The following SEL1L3 variants were observed in gnomAD, a reference collection of about 807,000 sequenced individuals.
SEL1L3 encodes protein sel-1 homolog 3.
A neutral mutation model predicts 142.8 loss-of-function variants in SEL1L3; 76 were observed. The ratio of observed to expected loss-of-function variants is 0.53; its 90% CI spans 0.44 to 0.64. The LOEUF is 0.64. Among genes scored for constraint, SEL1L3 ranks in the 30% least tolerant of loss-of-function variants. SEL1L3 has a pLI of 0.00. For missense variants in SEL1L3, 1,262 were observed against 1,381.7 expected (o/e 0.91, Z 1.37); for synonymous variants, 504 against 519.6 (o/e 0.97, Z 0.41).
Position 25,808,990 on chromosome 4 carries a change from G to A in SEL1L3, c.1565-4238C>T, listed in dbSNP as rs1171083115. 2.6e-4 allele frequency among the ~76,000 whole-genome samples: 38 copies of A among 147,880 alleles called. No individual in the cohort carries two copies. In the East Asian group the frequency reaches 7.0e-3, roughly 27 times the overall value. ...TGGGAGGGTGAGGCAGGAGAATGGC[G>A]TGAACCCGGGAGGCAGAGCTTGCAG... On this transcript the variant is annotated intron_variant, in intron 9 of 23. Coordinates refer to ENST00000399878, the MANE Select transcript of SEL1L3 (RefSeq NM_015187.5).
chr4:25,768,125 T>C (rs891389936), intron 17 of SEL1L3, among the ~76,000 whole-genome samples: 1 of 152,180 alleles, frequency 6.6e-6, no homozygotes, highest in African/African-American at 2.4e-5. Context: ...TAGCCTTCAG[T>C]TCTTGAATCC....
At chr4:25,856,593 T>TA (rs397765802) in intron 1 of SEL1L3, among the ~76,000 whole-genome samples, 15,976 of 116,896 alleles carry the variant, frequency 0.14, 995 homozygotes, top group Middle Eastern at 0.19. Flanking sequence ...GTATTGTAAT[T>TA]AAAAAAAAAA....
At chr4:25,756,049 A>T in intron 23 of SEL1L3, 1 of 985,426 alleles carries the variant, frequency 1.0e-6, no homozygotes, top group East Asian at 1.1e-4. Context: ...ATGATTTCGC[A>T]TTAGCTTCTT....
At chr4:25,751,146 T>G (rs1055927869) in intron 23 of SEL1L3, among the ~76,000 whole-genome samples, 1 of 152,160 alleles carries the variant, frequency 6.6e-6, no homozygotes, top group East Asian at 1.9e-4. Flanking sequence ...CAGGCAGAAG[T>G]GGAGATGGCT....
intron 9 of SEL1L3, among the ~76,000 whole-genome samples, chr4:25,812,885 C>T (rs1322594636): frequency 2.0e-5 from 3 of 151,932 alleles, no homozygotes; most frequent in Non-Finnish European, 4.4e-5. Flanking sequence ...TGGTGGCGTG[C>T]GCCTGTAATC....
chr4:25,846,516 A>T (rs1479884068), intron 2 of SEL1L3, among the ~76,000 whole-genome samples: 1 of 152,184 alleles, frequency 6.6e-6, no homozygotes, highest in Non-Finnish European at 1.5e-5. Flanking sequence ...GACAGGAATC[A>T]GGCCCAGCCA....
chr4:25,791,580 G>A (rs539219602), intron 11 of SEL1L3, among the ~76,000 whole-genome samples: 58 of 152,266 alleles, frequency 3.8e-4, no homozygotes, highest in African/African-American at 1.4e-3. Flanking sequence ...GAAAAAATTG[G>A]GTCTGCACTA....
intron 11 of SEL1L3, among the ~76,000 whole-genome samples, chr4:25,794,416 T>A (rs1021484520): frequency 1.2e-4 from 18 of 152,054 alleles, no homozygotes; most frequent in African/African-American, 3.6e-4. Flanking sequence ...GCAACAAATG[T>A]AGGGGAAAAA....
intron 11 of SEL1L3, among the ~76,000 whole-genome samples, 189 bp from the exon 12 acceptor site, chr4:25,790,763 G>A (rs1441497108): frequency 1.4e-5 from 2 of 138,882 alleles, no homozygotes. Context: ...AAGGAAGAAA[G>A]GAAGGGAGGA....
At chr4:25,827,368 T>G (rs1715159864) in intron 6 of SEL1L3, among the ~76,000 whole-genome samples, 1 of 152,020 alleles carries the variant, frequency 6.6e-6, no homozygotes, top group Non-Finnish European at 1.5e-5. Context: ...AAAGTGAAAT[T>G]TGGACACAGA....
At position 25,847,473 on chromosome 4, in the gene SEL1L3, T is replaced by C; in HGVS notation, c.554A>G (p.Asp185Gly). ...AWITHKYSGR[D>G]WNVKWEENLL... ...GTTTTCCTCCCATTTAACATTCCAG[T>C]CTCTGCCACTGTATTTGTGAGTAAT... Residue 185 changes from aspartate to glycine, a missense_variant, in exon 2 of 24, where the codon GAC (aspartate) becomes GGC (glycine). Asp to Gly is a moderately conservative substitution (Grantham distance 94, BLOSUM62 -1). Transcript: ENST00000399878. 1 of 1,614,054 alleles carries C rather than the reference T, an allele frequency of 6.2e-7. No individual in the cohort carries two copies. The highest frequency in any genetic ancestry group is 8.5e-7 in the Non-Finnish European group (1 of 1,179,900).
At chr4:25,786,826 G>T (rs562683162) in intron 13 of SEL1L3, among the ~76,000 whole-genome samples, 2 of 152,280 alleles carry the variant, frequency 1.3e-5, no homozygotes, top group South Asian at 4.2e-4. Flanking sequence ...AGAAGGTCTG[G>T]GACCTCAATT....
At chr4:25,811,279 T>A (rs1197987946) in intron 9 of SEL1L3, among the ~76,000 whole-genome samples, 1 of 152,160 alleles carries the variant, frequency 6.6e-6, no homozygotes, top group Admixed American at 6.6e-5. Context: ...TGCACAGACC[T>A]GAGCAGGATT....
At chr4:25,742,866 A>G (rs1024558042), downstream of SEL1L3, among the ~76,000 whole-genome samples, 5 of 152,218 alleles carry the variant, frequency 3.3e-5, no homozygotes, top group African/African-American at 1.2e-4. Flanking sequence ...GCAGAAAGAA[A>G]GACTACCAGA....
chr4:25,756,231 G>A, intron 23 of SEL1L3: 1 of 985,272 alleles, frequency 1.0e-6, no homozygotes, highest in Non-Finnish European at 1.2e-6. Flanking sequence ...ATACCCTTTT[G>A]TAGCCGTCCG....
chr4:25,792,764 T>C (rs1165405394), intron 11 of SEL1L3, among the ~76,000 whole-genome samples: 1 of 152,228 alleles, frequency 6.6e-6, no homozygotes, highest in Non-Finnish European at 1.5e-5. Context: ...TCAGATAAAG[T>C]AGCTGGCCCA....
At chr4:25,723,645 T>A in the SEL1L3 span, among the ~76,000 whole-genome samples, 1 of 152,176 alleles carries the variant, frequency 6.6e-6, no homozygotes, top group Non-Finnish European at 1.5e-5. Context: ...CCTGTACTCA[T>A]GAGGAAATTC....
Position 25,862,947 on chromosome 4 carries a change from G to A in SEL1L3, c.-111C>T, listed in dbSNP as rs1462417819. 1 of 764,722 alleles carries A rather than the reference G, an allele frequency of 1.3e-6. No individual in the cohort carries two copies. The highest frequency in any genetic ancestry group is 1.3e-4 in the East Asian group (1 of 7,484). The allele number at this position is 764,722 out of a possible 1,614,324, so 47.4% of individuals were successfully genotyped here. ...CCGGCCGGGCCGGCCGCCGCGCGCG[G>A]GGCCACCTGCCGCCACCTCCGGACC... On this transcript the variant is annotated 5_prime_UTR_variant, in exon 1 of 24. Transcript: ENST00000399878.
At position 25,747,437 on chromosome 4, in the gene SEL1L3, T is replaced by C. The variant is rs977818448; in HGVS notation, c.*988A>G. On this transcript the variant is annotated 3_prime_UTR_variant, in exon 24 of 24. Coordinates refer to ENST00000399878, the MANE Select transcript of SEL1L3 (RefSeq NM_015187.5). ...AAAAAAACCACTTTCTGGTAGTCAATTGTATAAAAATAATTTTATTTACTA... is the reference window on the plus strand; with the variant it reads ...AAAAAAACCACTTTCTGGTAGTCAACTGTATAAAAATAATTTTATTTACTA... 6.6e-6 allele frequency: 1 copy of C among 152,180 alleles called. No individual in the cohort carries two copies. Among genetic ancestry groups the C allele is most frequent in the Non-Finnish European group, 1.5e-5 (1 of 68,038 alleles). 9.4% of individuals were successfully genotyped at this position (152,180 alleles called of 1,614,324 possible).
Sources: allele counts gnomAD v4.1 joint callset (sites outside exome capture counted in the v4.1 genomes callset), GRCh38; gene constraint gnomAD v4.1.1; transcripts MANE v1.5; gene names NCBI Gene and HGNC (gene_info 2026-07-23, HGNC 2026-07-21).